The following SYNE1 variants were observed in gnomAD, a reference collection of about 807,000 sequenced individuals.
SYNE1 encodes the protein spectrin repeat containing nuclear envelope protein 1.
Under a neutral mutation model 1,111.0 loss-of-function variants are expected in SYNE1, and 616 were observed. The observed-to-expected ratio is 0.55, with a 90% CI of 0.52 to 0.59. The LOEUF (loss-of-function observed/expected upper bound fraction) is 0.59. Among genes scored for constraint, SYNE1 ranks in the 20% least tolerant of loss-of-function variants. The pLI is 0.00. For missense variants in SYNE1, 10,006 were observed against 10,417.0 expected, an observed-to-expected ratio of 0.96 and a Z score of 1.72; for synonymous variants, 3,855 against 3,825.8, an observed-to-expected ratio of 1.01 and a Z score of -0.28.
chr6:152,221,957 G>C (rs900295985), intron 117 of SYNE1, among the ~76,000 whole-genome samples: 2 of 152,140 alleles, frequency 1.3e-5, no homozygotes, highest in Non-Finnish European at 2.9e-5. Context: ...TCTGGCCTGT[G>C]AGCAGCCCTC....
chr6:152,543,821 A>G (rs1189375106), intron 3 of SYNE1, among the ~76,000 whole-genome samples: 1 of 152,230 alleles, frequency 6.6e-6, no homozygotes, highest in African/African-American at 2.4e-5. Flanking sequence ...ACAATTGCTT[A>G]CAATATTCAG....
At chr6:152,571,757 C>G (rs914365279) in intron 3 of SYNE1, among the ~76,000 whole-genome samples, 1 of 151,900 alleles carries the variant, frequency 6.6e-6, no homozygotes, top group East Asian at 1.9e-4. Flanking sequence ...AGGCATTTTC[C>G]CTGGCAGAGA....
At chr6:152,605,710 T>G (rs1037110563) in intron 3 of SYNE1, among the ~76,000 whole-genome samples, 4 of 152,206 alleles carry the variant, frequency 2.6e-5, no homozygotes, top group Non-Finnish European at 5.9e-5. Context: ...ACACATAGCT[T>G]TCTGGGCAGA....
chr6:152,532,297 AT>A (rs2099206954), intron 4 of SYNE1, among the ~76,000 whole-genome samples: 1 of 152,202 alleles, frequency 6.6e-6, no homozygotes, highest in African/African-American at 2.4e-5. Flanking sequence ...CACCAGGACC[AT>A]CTAGGACCTC....
At chr6:152,236,537 G>C (rs539636264) in intron 109 of SYNE1, among the ~76,000 whole-genome samples, 1 of 151,404 alleles carries the variant, frequency 6.6e-6, no homozygotes, top group South Asian at 2.1e-4. Flanking sequence ...ATTTAAAACT[G>C]TCAAATTATT....
rs770289613 is a variant in SYNE1, at chr6:152,321,711, T to G, written c.16083+10A>C. 13 of 1,613,890 alleles carry G rather than the reference T, an allele frequency of 8.1e-6. 1 individual carries two copies. In the Middle Eastern group the frequency reaches 6.6e-4, roughly 82 times the overall value. Reference sequence around the variant, plus strand: ...TGATGGGTAAAGAGAATGAGGAGACTTTTTTGTACCTGAAGTTCTTCAAGT... The same window carrying G: ...TGATGGGTAAAGAGAATGAGGAGACGTTTTTGTACCTGAAGTTCTTCAAGT... On this transcript the variant is annotated intron_variant, in intron 83 of 145. Transcript: ENST00000367255.
Position 152,551,942 on chromosome 6 carries a change from G to A in SYNE1, c.68-11921C>T, listed in dbSNP as rs114936979. 5.6e-3 allele frequency among the ~76,000 whole-genome samples: 860 copies of A among 152,308 alleles called. 6 individuals are homozygous for A. Among genetic ancestry groups the A allele is most frequent in the African/African-American group, 0.019 (807 of 41,550 alleles). On this transcript the variant is annotated intron_variant, in intron 3 of 145. Transcript: ENST00000367255. ...AATGTGGCGTCTCCTGCTTTTGCAA[G>A]AAAGCCACCAAAACTATGAAATATT...
intron 131 of SYNE1, among the ~76,000 whole-genome samples, chr6:152,156,641 G>A (rs2061427261): frequency 6.6e-6 from 1 of 152,142 alleles, no homozygotes; most frequent in South Asian, 2.1e-4. Context: ...TTCTTATACT[G>A]TATTGTTTAG....
At position 152,339,433 on chromosome 6, in the gene SYNE1, T is replaced by C. The variant is rs2096483603; in HGVS notation, c.12226-67A>G. ...ATTTAGATAGCAAATACTTGTATCA[T>C]TTGGAATATTCTGTTGACATTTCAA... On this transcript the variant is annotated intron_variant, in intron 74 of 145. Coordinates refer to ENST00000367255, the MANE Select transcript of SYNE1 (RefSeq NM_182961.4). 7 of 1,594,716 alleles carry C rather than the reference T, an allele frequency of 4.4e-6. No individual in the cohort carries two copies. The Admixed American group carries it at 8.4e-5, about 19-fold the overall frequency.
rs1200742373 is a variant in SYNE1, at chr6:152,330,264, T to A, written c.14421A>T (p.Glu4807Asp). Reference protein sequence around the residue: ...VKEEQSKVNEETLPAEEKLKM... With the variant: ...VKEEQSKVNEDTLPAEEKLKM... ...TGAGCTTCTCCTCTGCAGGCAGCGT[T>A]TCCTCATTCACTTTGGACTGCTCCT... The change falls in exon 78 of 146, where the codon GAA (glutamate) becomes GAT (aspartate). Residue 4807 changes from glutamate (E) to aspartate (D), a missense_variant. Around this residue, in one of 7 missense-constraint regions of SYNE1, gnomAD observed 4,955 missense variants for 5,017.2 expected, o/e 0.99. Coordinates refer to ENST00000367255, the MANE Select transcript of SYNE1 (RefSeq NM_182961.4). 2 of 1,614,170 alleles carry A rather than the reference T, an allele frequency of 1.2e-6. No individual in the cohort carries two copies. The highest frequency in any genetic ancestry group is 1.7e-6 in the Non-Finnish European group (2 of 1,180,038).
rs1247106298 is a variant in SYNE1 at position 152,282,370 on chromosome 6, G to C, written c.18208-390C>G. On this transcript the variant is annotated intron_variant, in intron 96 of 145. Transcript: ENST00000367255. Reference sequence around the variant, plus strand: ...TTTCTGGGAAGAGTAGGGAGTGATGGAGACTGTGGCAAACTGAAAAACATG... The same window carrying C: ...TTTCTGGGAAGAGTAGGGAGTGATGCAGACTGTGGCAAACTGAAAAACATG... 5.3e-5 allele frequency among the ~76,000 whole-genome samples: 8 copies of C among 152,298 alleles called. 1 individual carries two copies. In the East Asian group the frequency reaches 1.5e-3, roughly 29 times the overall value.
In SYNE1 at chr6:152,413,398, G is replaced by A. The variant is rs746057788; in HGVS notation, c.6184C>T (p.Arg2062Cys). 9 of 1,613,926 alleles carry A rather than the reference G, an allele frequency of 5.6e-6. No homozygotes were observed. The highest frequency in any genetic ancestry group is 5.3e-5 in the African/African-American group (4 of 74,892). The change falls in exon 42 of 146, where the codon CGC becomes TGC. Residue 2062 changes from arginine (R) to cysteine (C), a missense_variant. By Grantham distance (180) the Arg-to-Cys change is radical (BLOSUM62 -3). Around this residue, in one of 7 missense-constraint regions of SYNE1, gnomAD observed 4,955 missense variants for 5,017.2 expected, o/e 0.99. Coordinates refer to ENST00000367255, the MANE Select transcript of SYNE1 (RefSeq NM_182961.4). The part of the protein sequence containing the change: ...FAPEVDREIN[R>C]LEVTWDDTKR... Reference sequence around the variant, plus strand: ...GTATCATCCCAGGTGACCTCTAAGCGGTTTATCTCCCTGTCAACTTCAGGT... The same window carrying A: ...GTATCATCCCAGGTGACCTCTAAGCAGTTTATCTCCCTGTCAACTTCAGGT...
In SYNE1 at chr6:152,369,492, C is replaced by A; in HGVS notation, c.9630G>T (p.Arg3210Ser). Residue 3210 changes from arginine to serine, a missense_variant, in exon 60 of 146, where the codon AGG becomes AGT. Coordinates refer to ENST00000367255, the MANE Select transcript of SYNE1 (RefSeq NM_182961.4). ...SNRLYDLPAK[R>S]REQQKLQSVL... ...TCACCTGGAGCTTCTGCTGCTCCCT[C>A]CTCTTTGCTGGCAGATCATAGAGGC... is the stretch of plus-strand genomic sequence containing the variant. 1.1e-5 allele frequency: 17 copies of A among 1,614,152 alleles called. No individual in the cohort carries two copies. The highest frequency in any genetic ancestry group is 1.4e-5 in the Non-Finnish European group (16 of 1,180,028).
chr6:152,539,837 A>G (rs2099260873), intron 4 of SYNE1, 123 bp downstream of exon 4: 1 of 1,094,280 alleles, frequency 9.1e-7, no homozygotes, highest in Admixed American at 1.7e-5. Context: ...CCAACCAATA[A>G]GATTACAGTA....
At chr6:152,319,999 C>T (rs1227086263) in intron 84 of SYNE1, 1 of 152,142 alleles carries the variant, frequency 6.6e-6, no homozygotes, top group Non-Finnish European at 1.5e-5. Context: ...TCTCTTTTTA[C>T]TAAAAATACA....
intron 144 of SYNE1, among the ~76,000 whole-genome samples, chr6:152,130,995 G>A (rs1217573199): frequency 6.6e-6 from 1 of 152,280 alleles, no homozygotes; most frequent in East Asian, 1.9e-4. Flanking sequence ...ACATTAAGTT[G>A]GGATTCTGGA....
At chr6:152,237,590 C>T (rs1383595998) in intron 108 of SYNE1, among the ~76,000 whole-genome samples, 1 of 152,134 alleles carries the variant, frequency 6.6e-6, no homozygotes, top group Non-Finnish European at 1.5e-5. Flanking sequence ...GCTGGGATTA[C>T]AGGCATGAGC....
chr6:152,231,032 G>A (rs73005444), intron 114 of SYNE1, among the ~76,000 whole-genome samples: 31,506 of 152,020 alleles, frequency 0.21, 3,754 homozygotes, highest in Admixed American at 0.37. Flanking sequence ...GTCCTGGGCC[G>A]CATGCAGCCC....
intron 3 of SYNE1, among the ~76,000 whole-genome samples, chr6:152,609,861 A>G (rs2099626408): frequency 6.6e-6 from 1 of 152,206 alleles, no homozygotes; most frequent in African/African-American, 2.4e-5. Flanking sequence ...CAGGGTCTGG[A>G]GTGGACCTCC....
Sources: allele counts gnomAD v4.1 joint callset (sites outside exome capture counted in the v4.1 genomes callset), GRCh38; gene constraint gnomAD v4.1.1; regional missense constraint gnomAD v4.1.1; transcripts MANE v1.5; gene names NCBI Gene and HGNC (gene_info 2026-07-23, HGNC 2026-07-21).